Variants in RPRD2 observed in about 807,000 individuals in gnomAD.
The protein encoded by RPRD2 is regulation of nuclear pre-mRNA domain containing 2, also known as regulation of nuclear pre-mRNA domain-containing protein 2.
RPRD2 carries 12 observed loss-of-function variants against 104.4 expected under a neutral mutation model. That is an observed-to-expected ratio of 0.11 (90% CI 0.07 to 0.19). The LOEUF (loss-of-function observed/expected upper bound fraction) is 0.19, where lower values mean the gene tolerates loss of function less well. Among genes scored for constraint, RPRD2 ranks in the 10% least tolerant of loss-of-function variants. RPRD2 has a pLI of 1.00. For missense variants in RPRD2, 1,543 were observed against 1,790.1 expected (o/e 0.86, Z 2.49); for synonymous variants, 714 against 684.9 (o/e 1.04, Z -0.66).
chr1:150,472,622 G>T lies in RPRD2; in HGVS notation c.3674G>T (p.Gly1225Val). ...APPVPPKDHG[G>V]IFSRDAPTHL... The stretch of plus-strand genomic sequence containing the variant: ...CCTGTCCCTCCTAAGGATCATGGTG[G>T]TATCTTCTCTCGAGATGCACCCACT... Residue 1225 changes from glycine to valine, a missense_variant, in exon 11 of 11, where the codon GGT becomes GTT. By Grantham distance (109) the Gly-to-Val change is moderately radical. Coordinates refer to ENST00000369068, the MANE Select transcript of RPRD2 (RefSeq NM_015203.5). 1 of 1,613,906 alleles carries T rather than the reference G, an allele frequency of 6.2e-7. No homozygotes were observed. Among genetic ancestry groups the T allele is most frequent in the Non-Finnish European group, 8.5e-7 (1 of 1,179,858 alleles).
At chr1:150,461,053 CAAT>C (rs1439680554) in intron 9 of RPRD2, among the ~76,000 whole-genome samples, 2 of 151,478 alleles carry the variant, frequency 1.3e-5, no homozygotes, top group Non-Finnish European at 2.9e-5. Context: ...AAAAATAATC[CAAT>C]AATCGGTCAT....
At chr1:150,432,926 G>A (rs1022141915) in intron 2 of RPRD2, among the ~76,000 whole-genome samples, 2 of 152,092 alleles carry the variant, frequency 1.3e-5, no homozygotes, top group Non-Finnish European at 2.9e-5. Flanking sequence ...GCAGTGAGCC[G>A]AGATTGCACC....
chr1:150,429,638 A>G (rs1486617236), intron 2 of RPRD2, among the ~76,000 whole-genome samples: 2 of 152,214 alleles, frequency 1.3e-5, no homozygotes, highest in African/African-American at 4.8e-5. Flanking sequence ...TTTCTCAAAA[A>G]AAGAAAATGA....
At position 150,441,920 on chromosome 1, in the gene RPRD2, T is replaced by A. The variant is rs1251791855; in HGVS notation, c.476T>A (p.Leu159Gln). 6.2e-7 allele frequency: 1 copy of A among 1,613,072 alleles called. No individual in the cohort carries two copies. Among genetic ancestry groups the A allele is most frequent in the Non-Finnish European group, 8.5e-7 (1 of 1,179,574 alleles). ...FKTQKQLKEN[L>Q]NKQPNKQWKK... The stretch of plus-strand genomic sequence containing the variant: ...ACTCAGAAGCAGCTGAAAGAAAATC[T>A]GAACAAACAACCGAATAAGCAGTGG... Residue 159 changes from leucine (L) to glutamine (Q), a missense_variant, in exon 4 of 11, where the codon CTG becomes CAG. Coordinates refer to ENST00000369068, the MANE Select transcript of RPRD2 (RefSeq NM_015203.5).
chr1:150,367,754 G>A (rs1452695379), intron 1 of RPRD2, among the ~76,000 whole-genome samples: 7 of 150,128 alleles, frequency 4.7e-5, no homozygotes, highest in Non-Finnish European at 7.4e-5. Flanking sequence ...ATGGAGTCTC[G>A]CTCTGTCGTC....
rs587661347 is a variant in RPRD2, at chr1:150,395,333, T to G, written c.206-22263T>G. On this transcript the variant is annotated intron_variant, in intron 1 of 10. Coordinates refer to ENST00000369068, the MANE Select transcript of RPRD2 (RefSeq NM_015203.5). ...TCCAGGTCGCTGCTAATGCAATTAA[T>G]TCATTCCTTTTCATGGCTGAGTAGT... Among the ~76,000 whole-genome samples, 3 of 151,876 alleles carry G rather than the reference T, an allele frequency of 2.0e-5. No individual in the cohort carries two copies. The East Asian group carries it at 5.8e-4, about 29-fold the overall frequency.
At chr1:150,395,365 T>TGTGTGTGTGTGTGTGTGTG (rs1662424080) in intron 1 of RPRD2, among the ~76,000 whole-genome samples, 2 of 144,076 alleles carry the variant, frequency 1.4e-5, no homozygotes, top group African/African-American at 5.3e-5. Flanking sequence ...TAGTATTCCA[T>TGTGTGTGTGTGTGTGTGTG]TGTGTGTGTG....
rs77902650 is a variant in RPRD2 at position 150,407,191 on chromosome 1, C to G, written c.206-10405C>G. Among the ~76,000 whole-genome samples, 1,380 of 152,260 alleles carry G rather than the reference C, an allele frequency of 9.1e-3. 17 individuals are homozygous for G. The highest frequency in any genetic ancestry group is 0.02 in the Middle Eastern group (6 of 294). ...CAGTGCTAGGGTTCTCATTGTTTCT[C>G]AGTCCCAACAAGAACATCTCATCAG... On this transcript the variant is annotated intron_variant, in intron 1 of 10. Transcript: ENST00000369068.
At chr1:150,469,354 A>C (rs943556990) in intron 10 of RPRD2, among the ~76,000 whole-genome samples, 2 of 152,262 alleles carry the variant, frequency 1.3e-5, no homozygotes. Context: ...TAGTTAGTTT[A>C]CTGTAACCTT....
At chr1:150,445,939 G>C (rs1666736072) in intron 6 of RPRD2, among the ~76,000 whole-genome samples, 1 of 152,028 alleles carries the variant, frequency 6.6e-6, no homozygotes, top group East Asian at 1.9e-4. Flanking sequence ...GTGGTGGCAG[G>C]CGCCTGTAGT....
At chr1:150,368,072 A>G (rs1391969861) in intron 1 of RPRD2, among the ~76,000 whole-genome samples, 2 of 152,016 alleles carry the variant, frequency 1.3e-5, no homozygotes, top group African/African-American at 2.4e-5. Flanking sequence ...TTTCTTTTAC[A>G]TTGATCTGTA....
At chr1:150,439,610 C>T (rs1553893928) in intron 2 of RPRD2, among the ~76,000 whole-genome samples, 1 of 148,962 alleles carries the variant, frequency 6.7e-6, no homozygotes, top group African/African-American at 2.5e-5. Flanking sequence ...TTGAAAGAGG[C>T]CTTAAGTTTG....
chr1:150,443,195 CTG>C (rs782313795), intron 4 of RPRD2, 34 bp from the exon 5 acceptor site: 18 of 1,530,408 alleles, frequency 1.2e-5, no homozygotes, highest in Admixed American at 5.9e-5. Context: ...CTTTTTGTGT[CTG>C]TATTCTTAAT....
intron 2 of RPRD2, among the ~76,000 whole-genome samples, chr1:150,437,961 T>A: frequency 6.8e-6 from 1 of 147,296 alleles, no homozygotes; most frequent in South Asian, 2.2e-4. Context: ...ATGCTGAGAT[T>A]CTTTCTGTCA....
chr1:150,403,450 C>T (rs1176517093), intron 1 of RPRD2, among the ~76,000 whole-genome samples: 2 of 152,110 alleles, frequency 1.3e-5, no homozygotes, highest in Non-Finnish European at 2.9e-5. Flanking sequence ...TGGCAACCAC[C>T]ATTCTACTTT....
chr1:150,447,323 G>A (rs1419624363), intron 7 of RPRD2, among the ~76,000 whole-genome samples: 1 of 148,510 alleles, frequency 6.7e-6, no homozygotes, highest in Non-Finnish European at 1.5e-5. Context: ...TAAATTGACT[G>A]AATTAAGGAA....
intron 9 of RPRD2, among the ~76,000 whole-genome samples, chr1:150,461,676 C>T (rs1180735835): frequency 2.0e-5 from 3 of 151,758 alleles, no homozygotes; most frequent in Non-Finnish European, 4.4e-5. Flanking sequence ...AACCCCATCT[C>T]TACTTAAAAA....
chr1:150,392,807 A>G (rs782600591), intron 1 of RPRD2, among the ~76,000 whole-genome samples: 9 of 152,222 alleles, frequency 5.9e-5, no homozygotes, highest in East Asian at 3.9e-4. Flanking sequence ...TTCGCCATGC[A>G]CTCCAGCCTG....
intron 2 of RPRD2, among the ~76,000 whole-genome samples, chr1:150,422,356 A>AATAATAAT (rs1664822904): frequency 9.7e-6 from 1 of 102,740 alleles, no homozygotes; most frequent in African/African-American, 3.5e-5. Context: ...TAATAATAAT[A>AATAATAAT]ATAATAATAA....
Sources: gnomAD v4.1 joint callset for allele counts (sites outside exome capture counted in the v4.1 genomes callset) on GRCh38, gnomAD v4.1.1 for gene constraint, MANE v1.5 for transcripts, NCBI Gene and HGNC (gene_info 2026-07-23, HGNC 2026-07-21) for gene names.